The following RYR3 variants were observed in gnomAD, a reference collection of about 807,000 sequenced individuals.
RYR3 encodes the protein ryanodine receptor 3.
In RYR3, 207 loss-of-function variants were observed where a neutral mutation model predicts 584.3. The ratio of observed to expected loss-of-function variants is 0.35; its 90% confidence interval spans 0.32 to 0.40. The LOEUF (loss-of-function observed/expected upper bound fraction) is 0.40. Among genes scored for constraint, RYR3 ranks in the 10% least tolerant of loss-of-function variants. The pLI is 1.00. For missense variants in RYR3, 5,616 were observed against 6,089.2 expected (o/e 0.92, Z 2.59); for synonymous variants, 2,416 against 2,248.5 (o/e 1.07, Z -2.11).
intron 1 of RYR3, among the ~76,000 whole-genome samples, chr15:33,418,005 T>A (rs1021542920): frequency 6.6e-6 from 1 of 152,224 alleles, no homozygotes; most frequent in African/African-American, 2.4e-5. Flanking sequence ...TGAACCATCT[T>A]TGCGTCACAG....
chr15:33,679,222 C>T (rs1041354407), intron 38 of RYR3, among the ~76,000 whole-genome samples: 5 of 148,092 alleles, frequency 3.4e-5, no homozygotes, highest in African/African-American at 1.2e-4. Flanking sequence ...TGACCCCTGA[C>T]ACAGGAAGCT....
At position 33,390,620 on chromosome 15, in the gene RYR3, G is replaced by T. The variant is rs1362523654; in HGVS notation, c.51+79524G>T. On this transcript the variant is annotated intron_variant, in intron 1 of 103. Transcript: ENST00000634891. The surrounding 1 kb of genome is among the most constrained non-coding windows in gnomAD (Gnocchi z 4.2). ...TAGAAGGGTCTGTCTGCAAGGGTGG[G>T]GGTCTTGGCCGACACCTGGGAACTT... Among the ~76,000 whole-genome samples the T allele has an allele frequency of 6.6e-6, 1 of 152,134 alleles. No homozygotes were observed. Among genetic ancestry groups the T allele is most frequent in the Non-Finnish European group, 1.5e-5 (1 of 68,020 alleles).
chr15:33,411,459 C>T (rs1221742353), intron 1 of RYR3, among the ~76,000 whole-genome samples: 1 of 152,138 alleles, frequency 6.6e-6, no homozygotes, highest in East Asian at 1.9e-4. Context: ...ATTTCTGTGG[C>T]CACATGGATG....
chr15:33,531,780 T>G (rs1340956087), intron 4 of RYR3, among the ~76,000 whole-genome samples: 3 of 152,040 alleles, frequency 2.0e-5, no homozygotes, highest in African/African-American at 7.2e-5. Context: ...ATGGAGATGT[T>G]TTTGAGAGTA....
chr15:33,530,523 T>C lies in RYR3; in HGVS notation c.280-69T>C, dbSNP rs34239987. ...CCTGGTAGTCTGTCTCCCAGAATTA[T>C]TGTGTTGCTTGGCTCCCGGAGAAGC... On this transcript the variant is annotated intron_variant, in intron 3 of 103. Transcript: ENST00000634891. 3,193 of 1,040,514 alleles carry C rather than the reference T, an allele frequency of 3.1e-3. 66 individuals carry two copies. In the African/African-American group the frequency reaches 0.041, roughly 13 times the overall value. The allele number at this position is 1,040,514 out of a possible 1,614,324, so 64.5% of individuals were successfully genotyped here. A position where few individuals can be genotyped will look rare whatever the true frequency, so the allele number is the denominator to read the frequency against.
chr15:33,838,529 GCTCTT>G lies in RYR3; in HGVS notation c.12553_12557del (p.Phe4185LeufsTer48). Reference sequence around the variant, plus strand: ...TGACTGCGAAGGAGCTGGTGAAGGTGCTCTTCTCCTTTTTCTGGATGCTGTTCGTG... The same window carrying G: ...TGACTGCGAAGGAGCTGGTGAAGGTGCTCCTTTTTCTGGATGCTGTTCGTG... On this transcript the variant is annotated frameshift_variant, in exon 89 of 104. Coordinates refer to ENST00000634891, the MANE Select transcript of RYR3 (RefSeq NM_001036.6). LOFTEE classifies it high-confidence loss of function. 6.2e-7 allele frequency: 1 copy of G among 1,613,976 alleles called. No homozygotes were observed. Among genetic ancestry groups the G allele is most frequent in the Non-Finnish European group, 8.5e-7 (1 of 1,179,858 alleles).
chr15:33,633,862 C>T lies in RYR3; in HGVS notation c.3028-724C>T, dbSNP rs559427651. Among the ~76,000 whole-genome samples the T allele has an allele frequency of 4.6e-5, 7 of 152,238 alleles. 1 individual carries two copies. Among genetic ancestry groups the T allele is most frequent in the Admixed American group, 6.5e-5 (1 of 15,302 alleles). On this transcript the variant is annotated intron_variant, in intron 24 of 103. Transcript: ENST00000634891. ...CACACTGTGGCTCTGCCACCTTTTC[C>T]GATGTTTCTCCATGAAGGCTGTTAA...
intron 42 of RYR3, among the ~76,000 whole-genome samples, chr15:33,703,789 C>A (rs2066474356): frequency 6.6e-6 from 1 of 152,090 alleles, no homozygotes; most frequent in African/African-American, 2.4e-5. Context: ...TAAGTGAAAG[C>A]ATTTTTTTTT....
At chr15:33,630,596 C>T (rs1348218393) in intron 22 of RYR3, among the ~76,000 whole-genome samples, 4 of 152,294 alleles carry the variant, frequency 2.6e-5, no homozygotes, top group Admixed American at 6.5e-5. Flanking sequence ...AACGATGCTC[C>T]GTAAGGTCCC....
chr15:33,339,388 G>A (rs1971530648), intron 1 of RYR3, among the ~76,000 whole-genome samples: 1 of 152,214 alleles, frequency 6.6e-6, no homozygotes, highest in Non-Finnish European at 1.5e-5. Flanking sequence ...CGAGTTACAA[G>A]ACTTTAAGTT....
At chr15:33,581,053 G>T (rs571941082) in intron 13 of RYR3, among the ~76,000 whole-genome samples, 1 of 143,252 alleles carries the variant, frequency 7.0e-6, no homozygotes, top group African/African-American at 2.5e-5. Context: ...GGCCGGGGGG[G>T]TGGGGAGGTA....
At chr15:33,811,351 A>G (rs1049580295) in intron 72 of RYR3, among the ~76,000 whole-genome samples, 1 of 152,028 alleles carries the variant, frequency 6.6e-6, no homozygotes, top group Non-Finnish European at 1.5e-5. Context: ...TAAAAATACA[A>G]AAAGTTAGCC....
chr15:33,656,656 C>T (rs142327467), intron 32 of RYR3, among the ~76,000 whole-genome samples: 93 of 152,262 alleles, frequency 6.1e-4, no homozygotes, highest in African/African-American at 1.8e-3. Flanking sequence ...AAGGTGAATC[C>T]ACTTCTGAGC....
chr15:33,534,909 A>G (rs550387601), intron 5 of RYR3, among the ~76,000 whole-genome samples: 2 of 152,334 alleles, frequency 1.3e-5, no homozygotes, highest in South Asian at 4.1e-4. Context: ...AGGTTGGGCT[A>G]GGTACCAAAC....
chr15:33,856,179 C>G (rs1189473802), intron 98 of RYR3: 3 of 152,264 alleles, frequency 2.0e-5, no homozygotes, highest in Non-Finnish European at 4.4e-5. Flanking sequence ...TTCCCTGATG[C>G]AAAGTCCAAG....
chr15:33,644,601 C>G (rs2061996727), intron 28 of RYR3, 82 bp downstream of exon 28: 2 of 1,022,306 alleles, frequency 2.0e-6, no homozygotes, highest in East Asian at 2.5e-5. Context: ...TGTCAACAGG[C>G]AGCTGCTTAC....
At chr15:33,652,916 A>C (rs769013584) in intron 32 of RYR3, 33 bp downstream of exon 32, 1 of 1,578,588 alleles carries the variant, frequency 6.3e-7, no homozygotes, top group Non-Finnish European at 8.6e-7. Flanking sequence ...AAACAGGGCT[A>C]TCCCAGGCCT....
chr15:33,755,585 C>T (rs1232791516), intron 58 of RYR3, among the ~76,000 whole-genome samples: 1 of 152,108 alleles, frequency 6.6e-6, no homozygotes, highest in Non-Finnish European at 1.5e-5. Context: ...CCATTGCACT[C>T]CAGCCTGGGG....
intron 1 of RYR3, among the ~76,000 whole-genome samples, chr15:33,408,709 A>G (rs943028652): frequency 6.6e-6 from 1 of 152,196 alleles, no homozygotes; most frequent in Admixed American, 6.5e-5. Context: ...GTGATATGGT[A>G]TCTCATTGTG....
Sources: allele counts gnomAD v4.1 joint callset (sites outside exome capture counted in the v4.1 genomes callset), GRCh38; gene constraint gnomAD v4.1.1; non-coding constraint Gnocchi (gnomAD v3.1); transcripts MANE v1.5; gene names NCBI Gene and HGNC (gene_info 2026-07-23, HGNC 2026-07-21).